The following XNDC1N variants were observed in gnomAD, a reference collection of about 807,000 sequenced individuals.
XNDC1N encodes XRCC1 N-terminal domain containing 1, N-terminal like.
At chr11:71,922,667 C>G in the XNDC1N span, among the ~76,000 whole-genome samples, 17 of 152,298 alleles carry the variant, frequency 1.1e-4, no homozygotes, top group Non-Finnish European at 1.9e-4. Flanking sequence ...GCCTGGGGGC[C>G]AGGGATGCTA....
the XNDC1N span, among the ~76,000 whole-genome samples, chr11:71,878,783 C>T: frequency 1.3e-5 from 2 of 151,236 alleles, no homozygotes; most frequent in African/African-American, 4.9e-5. Flanking sequence ...CTTGGGAGTT[C>T]TAGACCAGCC....
chr11:71,917,290 A>T, the XNDC1N span: 1 of 677,402 alleles, frequency 1.5e-6, no homozygotes, highest in Admixed American at 2.1e-5. Flanking sequence ...CTGGGATTAC[A>T]GGCATGAGCC....
the XNDC1N span, among the ~76,000 whole-genome samples, chr11:71,913,745 G>A: frequency 2.0e-5 from 3 of 150,814 alleles, no homozygotes; most frequent in East Asian, 2.0e-4. Flanking sequence ...AGAAGTCAAC[G>A]CCTGGCTTCA....
chr11:71,913,768 ACT>A, the XNDC1N span, among the ~76,000 whole-genome samples: 1 of 152,064 alleles, frequency 6.6e-6, no homozygotes, highest in East Asian at 1.9e-4. Flanking sequence ...GGACAAGCTA[ACT>A]CTCTCGTTAG....
chr11:71,884,382 T>C, the XNDC1N span: 11 of 1,556,970 alleles, frequency 7.1e-6, no homozygotes, highest in East Asian at 1.6e-4. Context: ...TATTGTGTCA[T>C]ATAATTTGTC....
At chr11:71,880,913 C>T in the XNDC1N span, among the ~76,000 whole-genome samples, 1 of 152,026 alleles carries the variant, frequency 6.6e-6, no homozygotes, top group Non-Finnish European at 1.5e-5. Flanking sequence ...TTTGTTGAAA[C>T]TTGTTTTGTG....
chr11:71,904,739 C>T, the XNDC1N span, among the ~76,000 whole-genome samples: 1 of 151,970 alleles, frequency 6.6e-6, no homozygotes, highest in African/African-American at 2.4e-5. Flanking sequence ...ATCTCCTGCG[C>T]CATCAGGAGT....
At chr11:71,874,567 A>G in the XNDC1N span, among the ~76,000 whole-genome samples, 2 of 152,182 alleles carry the variant, frequency 1.3e-5, no homozygotes, top group East Asian at 1.9e-4. Context: ...GTTGCTTATT[A>G]GACATCCAAA....
At chr11:71,874,073 G>A in the XNDC1N span, among the ~76,000 whole-genome samples, 5 of 152,154 alleles carry the variant, frequency 3.3e-5, no homozygotes, top group Admixed American at 2.6e-4. Context: ...CCAGCACTTT[G>A]GGAGGCCAAG....
At chr11:71,876,705 G>A in the XNDC1N span, among the ~76,000 whole-genome samples, 8 of 152,180 alleles carry the variant, frequency 5.3e-5, no homozygotes, top group African/African-American at 1.7e-4. Context: ...GTTCCATAAA[G>A]GATTTCAATT....
At chr11:71,871,951 G>A in the XNDC1N span, among the ~76,000 whole-genome samples, 1 of 152,046 alleles carries the variant, frequency 6.6e-6, no homozygotes, top group South Asian at 2.1e-4. Flanking sequence ...AAATAGTTTG[G>A]CCTTTTCTTA....
the XNDC1N span, chr11:71,915,930 G>C: frequency 8.4e-6 from 5 of 592,264 alleles, no homozygotes; most frequent in Non-Finnish European, 1.5e-5. Flanking sequence ...GTAAGAAAGG[G>C]TATCAAGCCC....
At chr11:71,885,563 C>T in the XNDC1N span, among the ~76,000 whole-genome samples, 13 of 152,006 alleles carry the variant, frequency 8.6e-5, no homozygotes, top group African/African-American at 1.7e-4. Flanking sequence ...TCAATATCAC[C>T]GGCTGAGTGT....
the XNDC1N span, chr11:71,893,581 A>G: frequency 1.5e-5 from 15 of 1,017,186 alleles, no homozygotes; most frequent in Middle Eastern, 3.0e-4. Flanking sequence ...GCATCTGGTC[A>G]TGGTGCTGAG....
At chr11:71,889,206 T>G in the XNDC1N span, among the ~76,000 whole-genome samples, 1 of 152,190 alleles carries the variant, frequency 6.6e-6, no homozygotes, top group African/African-American at 2.4e-5. Context: ...TTCAAGTTCA[T>G]GGAGCGTGAT....
the XNDC1N span, among the ~76,000 whole-genome samples, chr11:71,910,837 A>G: frequency 6.6e-6 from 1 of 152,160 alleles, no homozygotes; most frequent in Non-Finnish European, 1.5e-5. Flanking sequence ...AGTATTAGCC[A>G]AGCCTTTCTA....
chr11:71,906,847 G>C, the XNDC1N span, among the ~76,000 whole-genome samples: 35 of 152,088 alleles, frequency 2.3e-4, no homozygotes, highest in Non-Finnish European at 4.4e-4. Flanking sequence ...CATTTCCCTA[G>C]AATATGATGA....
the XNDC1N span, among the ~76,000 whole-genome samples, chr11:71,891,141 C>T: frequency 6.6e-6 from 1 of 151,928 alleles, no homozygotes; most frequent in Non-Finnish European, 1.5e-5. Flanking sequence ...GGGTGTACAC[C>T]CTCTGCGATA....
chr11:71,890,873 C>T, the XNDC1N span, among the ~76,000 whole-genome samples: 2 of 151,974 alleles, frequency 1.3e-5, no homozygotes, highest in Non-Finnish European at 2.9e-5. Context: ...ATTCTCTCTC[C>T]CCTAGATATT....
Sources: allele counts gnomAD v4.1 joint callset (sites outside exome capture counted in the v4.1 genomes callset), GRCh38; gene constraint gnomAD v4.1.1; transcripts MANE v1.5; gene names NCBI Gene and HGNC (gene_info 2026-07-23, HGNC 2026-07-21).